Variants in WNK1 observed in about 807,000 individuals in gnomAD.
The protein encoded by WNK1 is serine/threonine-protein kinase WNK1.
Under a neutral mutation model 222.8 loss-of-function variants are expected in WNK1, and 38 were observed. The observed-to-expected ratio is 0.17, with a 90% CI of 0.13 to 0.22. WNK1 has a LOEUF of 0.22. WNK1 is among the 10% of genes least tolerant of loss of function. The pLI, the probability that WNK1 is intolerant of heterozygous loss-of-function variation, is 1.00. For missense variants in WNK1, 2,348 were observed against 2,918.4 expected (o/e 0.80, Z 4.50); for synonymous variants, 1,090 against 1,092.9 (o/e 1.00, Z 0.05).
At chr12:904,074 G>A (rs1024355595) in intron 26 of WNK1, among the ~76,000 whole-genome samples, 4 of 152,236 alleles carry the variant, frequency 2.6e-5, no homozygotes, top group African/African-American at 7.2e-5. Flanking sequence ...CCCAGCTGGA[G>A]AAACAGGAAG....
intron 1 of WNK1, among the ~76,000 whole-genome samples, chr12:812,806 C>T (rs1447365173): frequency 6.6e-6 from 1 of 151,808 alleles, no homozygotes; most frequent in African/African-American, 2.4e-5. Context: ...CATACTCACA[C>T]ACATTTAAAA....
intron 8 of WNK1, chr12:869,245 G>A (rs1592102849): frequency 1.6e-6 from 2 of 1,286,368 alleles, no homozygotes; most frequent in South Asian, 1.2e-5. Flanking sequence ...CCCATCTTTG[G>A]GGGGTTGTGA....
At chr12:836,037 A>G (rs1591933435) in intron 4 of WNK1, among the ~76,000 whole-genome samples, 1 of 152,188 alleles carries the variant, frequency 6.6e-6, no homozygotes, top group African/African-American at 2.4e-5. Context: ...AAGCTGAACT[A>G]GGTTTATTGT....
At chr12:819,286 G>T (rs1947643409) in intron 2 of WNK1, among the ~76,000 whole-genome samples, 1 of 151,968 alleles carries the variant, frequency 6.6e-6, no homozygotes, top group African/African-American at 2.4e-5. Flanking sequence ...TCTCCTATAG[G>T]TTGCCTTTTT....
Position 857,227 on chromosome 12 carries a change from A to C in WNK1, c.1378A>C (p.Ile460Leu). ...PEVKEIIEGCIRQNKDERYSI... is the reference protein window; with the variant it reads ...PEVKEIIEGCLRQNKDERYSI... ...AGTGAAGGAAATTATTGAAGGATGC[A>C]TACGACAAAACAAAGATGAAAGGTA... The change falls in exon 5 of 28, where the codon ATA (isoleucine) becomes CTA (leucine). Residue 460 changes from isoleucine to leucine, a missense_variant. This residue lies in a region of WNK1 where 37 missense variants were observed against 102.8 expected (regional missense o/e 0.36). Coordinates refer to ENST00000315939, the MANE Select transcript of WNK1 (RefSeq NM_018979.4). The C allele has an allele frequency of 6.2e-7, 1 of 1,614,244 alleles. No individual in the cohort carries two copies. The highest frequency in any genetic ancestry group is 1.1e-5 in the South Asian group (1 of 91,090).
At chr12:756,220 A>G (rs1473774357) in intron 1 of WNK1, among the ~76,000 whole-genome samples, 1 of 152,136 alleles carries the variant, frequency 6.6e-6, no homozygotes, top group Non-Finnish European at 1.5e-5. Context: ...CACTTTATGA[A>G]TTAATTTTGT....
At chr12:775,385 A>G (rs999418271) in intron 1 of WNK1, among the ~76,000 whole-genome samples, 1 of 152,150 alleles carries the variant, frequency 6.6e-6, no homozygotes. Context: ...TTGTTATGGC[A>G]AGTTGTGTTT....
Position 884,344 on chromosome 12 carries a change from TAAAA to T in WNK1, c.3844+104_3844+107del. On this transcript the variant is annotated intron_variant, in intron 18 of 27. Transcript: ENST00000315939. The surrounding 1 kb of genome is among the most constrained non-coding windows in gnomAD (Gnocchi z 5.6). ...CAGTAATTTATGATGACACAGATAA[TAAAA>T]AAGAATAGAAAACTGAAGTTATAAC... 6.5e-7 allele frequency: 1 copy of T among 1,536,738 alleles called. No individual in the cohort carries two copies. The highest frequency in any genetic ancestry group is 1.2e-5 in the South Asian group (1 of 86,724).
chr12:850,184 A>G (rs1270148582), intron 4 of WNK1, among the ~76,000 whole-genome samples: 2 of 152,220 alleles, frequency 1.3e-5, no homozygotes, highest in South Asian at 2.1e-4. Flanking sequence ...AGTCCCTCCA[A>G]CAGTGTAAAA....
At chr12:806,114 A>G (rs1180227602) in intron 1 of WNK1, among the ~76,000 whole-genome samples, 1 of 152,164 alleles carries the variant, frequency 6.6e-6, no homozygotes, top group Non-Finnish European at 1.5e-5. Flanking sequence ...TTGTGTAATT[A>G]TTTTCAGTTT....
Position 753,866 on chromosome 12 carries a change from TCCCTGC to T in WNK1, c.305_310del (p.Leu102_Pro103del). 6.2e-7 allele frequency: 1 copy of T among 1,612,474 alleles called. No homozygotes were observed. The highest frequency in any genetic ancestry group is 8.5e-7 in the Non-Finnish European group (1 of 1,179,882). On this transcript the variant is annotated inframe_deletion, in exon 1 of 28. Transcript: ENST00000315939. This position sits in a 1 kb window ranked among gnomAD's most constrained non-coding sequence, Gnocchi z 5.2. The stretch of plus-strand genomic sequence containing the variant: ...ACTGGAGCTTCCCGGCCTTCCTCTT[TCCCTGC>T]CCCAGCCCAGCATCCCCGCGGCTGT...
chr12:889,249 TCTC>T, intron 21 of WNK1, 26 bp downstream of exon 21: 2 of 1,583,460 alleles, frequency 1.3e-6, no homozygotes, highest in Non-Finnish European at 1.7e-6. Context: ...CTTGATAAAA[TCTC>T]CTCATAACCC....
In WNK1 at chr12:884,530, T is replaced by A; in HGVS notation, c.3845-119T>A. 3 of 1,075,102 alleles carry A rather than the reference T, an allele frequency of 2.8e-6. No homozygotes were observed. The South Asian group carries it at 4.1e-5, about 15-fold the overall frequency. 66.6% of individuals were successfully genotyped at this position (1,075,102 alleles called of 1,614,324 possible). On this transcript the variant is annotated intron_variant, in intron 18 of 27. Transcript: ENST00000315939. This position sits in a 1 kb window ranked among gnomAD's most constrained non-coding sequence, Gnocchi z 5.6. ...AGTACTGTTGTCTATGTTTTAAGAT[T>A]ACTCCATATTTTTTATCAAAAACAG...
At position 881,982 on chromosome 12, in the gene WNK1, A is replaced by G; in HGVS notation, c.3281A>G (p.Glu1094Gly). 1 of 1,614,202 alleles carries G rather than the reference A, an allele frequency of 6.2e-7. No homozygotes were observed. Among genetic ancestry groups the G allele is most frequent in the Non-Finnish European group, 8.5e-7 (1 of 1,180,030 alleles). ...ENVPSSSGRH[E>G]GRTTKRHYRK... is the part of the protein sequence containing the mutation. ...GTCCCATCTTCCAGTGGAAGGCATG[A>G]AGGAAGAACTACAAAACGGCATTAC... The change falls in exon 14 of 28, where the codon GAA becomes GGA. Residue 1094 changes from glutamate (E) to glycine (G), a missense_variant. By Grantham distance (98) the Glu-to-Gly change is moderately conservative. Transcript: ENST00000315939.
chr12:877,736 TATA>T (rs1351753194), intron 9 of WNK1, among the ~76,000 whole-genome samples: 1 of 152,230 alleles, frequency 6.6e-6, no homozygotes, highest in Non-Finnish European at 1.5e-5. Context: ...ATTTTGTAGC[TATA>T]ATCAAAGCTA....
rs1052382479 is a variant in WNK1 at position 753,507 on chromosome 12, C to T, written c.-59C>T. 11 of 1,607,834 alleles carry T rather than the reference C, an allele frequency of 6.8e-6. No homozygotes were observed. Among genetic ancestry groups the T allele is most frequent in the Admixed American group, 1.7e-5 (1 of 59,852 alleles). ...AGACCTCTGCGCGGGCGGCTCGGCC[C>T]TTCACGCCCTTTTCGTTCACGAATC... On this transcript the variant is annotated 5_prime_UTR_variant, in exon 1 of 28. Transcript: ENST00000315939. The surrounding 1 kb of genome is among the most constrained non-coding windows in gnomAD (Gnocchi z 5.2).
rs1213399992 is a variant in WNK1, at chr12:883,901, T to C, written c.3721+70T>C. 5 of 1,581,022 alleles carry C rather than the reference T, an allele frequency of 3.2e-6. No homozygotes were observed. The African/African-American group carries it at 6.7e-5, about 21-fold the overall frequency. On this transcript the variant is annotated intron_variant, in intron 17 of 27. Coordinates refer to ENST00000315939, the MANE Select transcript of WNK1 (RefSeq NM_018979.4). ...CCATTAGCCGAGGGTGGTGGCAGGC[T>C]TCTGTAGTCCCAGCTACTCAGGAGG...
rs1229880970 is a variant in WNK1, at chr12:885,986, G to A, written c.5182G>A (p.Val1728Met). The change falls in exon 19 of 28, where the codon GTG becomes ATG. Residue 1728 changes from valine to methionine, a missense_variant. This residue lies in a region of WNK1 where 1,144 missense variants were observed against 1,273.6 expected (regional missense o/e 0.90). Transcript: ENST00000315939. Reference protein sequence around the residue: ...LGTVALPVTPVVTPGQVSTPV... With the variant: ...LGTVALPVTPMVTPGQVSTPV... The stretch of plus-strand genomic sequence containing the variant: ...AACAGTTGCTTTGCCAGTTACACCA[G>A]TGGTCACACCTGGGCAAGTTTCTAC... The A allele has an allele frequency of 1.3e-6, 2 of 1,591,956 alleles. No homozygotes were observed. The highest frequency in any genetic ancestry group is 1.7e-6 in the Non-Finnish European group (2 of 1,170,666).
intron 4 of WNK1, among the ~76,000 whole-genome samples, chr12:832,611 A>G (rs1948884800): frequency 6.6e-6 from 1 of 152,228 alleles, no homozygotes; most frequent in Non-Finnish European, 1.5e-5. Flanking sequence ...AGTAAAAATG[A>G]CAGCTATTGT....
Sources: allele counts gnomAD v4.1 joint callset (sites outside exome capture counted in the v4.1 genomes callset), GRCh38; gene constraint gnomAD v4.1.1; regional missense constraint gnomAD v4.1.1; non-coding constraint Gnocchi (gnomAD v3.1); transcripts MANE v1.5; gene names NCBI Gene and HGNC (gene_info 2026-07-23, HGNC 2026-07-21).